Variants in SMG6 observed in about 807,000 individuals in gnomAD.
SMG6 encodes the protein telomerase-binding protein EST1A.
Under a neutral mutation model 142.2 loss-of-function variants are expected in SMG6, and 66 were observed. That is an observed-to-expected ratio of 0.46 (90% CI 0.38 to 0.57). SMG6 has a LOEUF of 0.57. Ranked by LOEUF, SMG6 falls within the 20% of genes least tolerant of loss-of-function variation. The pLI is 0.00. For missense variants in SMG6, 1,793 were observed against 1,832.0 expected (o/e 0.98, Z 0.39); for synonymous variants, 779 against 702.4 (o/e 1.11, Z -1.72).
chr17:2,223,636 T>C (rs934646903), intron 10 of SMG6, among the ~76,000 whole-genome samples: 1 of 152,180 alleles, frequency 6.6e-6, no homozygotes, highest in Admixed American at 6.5e-5. Flanking sequence ...CTAACTCACA[T>C]CTTTTTGTCA....
At chr17:2,074,708 T>C (rs1555531003) in intron 15 of SMG6, among the ~76,000 whole-genome samples, 7 of 152,224 alleles carry the variant, frequency 4.6e-5, no homozygotes, top group Non-Finnish European at 1.5e-5. Context: ...ATACCGCCTG[T>C]TGTATCATAG....
At chr17:2,086,024 G>T in intron 13 of SMG6, 123 bp from the exon 14 acceptor site, 1 of 998,384 alleles carries the variant, frequency 1.0e-6, no homozygotes, top group Non-Finnish European at 1.6e-6. Context: ...AAGGGGGTCA[G>T]AATGAATGAC....
chr17:2,221,253 G>A (rs1291392258), intron 10 of SMG6, among the ~76,000 whole-genome samples: 1 of 152,162 alleles, frequency 6.6e-6, no homozygotes, highest in Non-Finnish European at 1.5e-5. Context: ...GCATCCTGGG[G>A]TGGTTTCTGA....
At chr17:2,120,854 G>T (rs750071555) in intron 13 of SMG6, among the ~76,000 whole-genome samples, 3 of 152,158 alleles carry the variant, frequency 2.0e-5, no homozygotes, top group Non-Finnish European at 4.4e-5. Flanking sequence ...ATAATTGTTG[G>T]AGTCTAACAA....
At chr17:2,241,726 C>A (rs2073806294) in intron 9 of SMG6, among the ~76,000 whole-genome samples, 1 of 152,102 alleles carries the variant, frequency 6.6e-6, no homozygotes, top group South Asian at 2.1e-4. Flanking sequence ...GTGGTCCTTT[C>A]CCAAACTTAT....
At chr17:2,228,678 C>CAT (rs969976112) in intron 10 of SMG6, among the ~76,000 whole-genome samples, 23 of 152,296 alleles carry the variant, frequency 1.5e-4, no homozygotes, top group Middle Eastern at 3.4e-3. Flanking sequence ...TTATATTTTA[C>CAT]ATATATATAC....
At chr17:2,172,955 ATGT>A (rs1165939121) in intron 12 of SMG6, 96 bp from the exon 13 acceptor site, 11 of 1,198,892 alleles carry the variant, frequency 9.2e-6, no homozygotes, top group Non-Finnish European at 1.3e-5. Flanking sequence ...CTTGCAGCAA[ATGT>A]TGTCTAGGCT....
chr17:2,206,084 T>C (rs1417878088), intron 10 of SMG6, among the ~76,000 whole-genome samples: 3 of 152,050 alleles, frequency 2.0e-5, no homozygotes, highest in African/African-American at 4.8e-5. Context: ...GCTGGGATCA[T>C]AGGCGTGAGC....
At chr17:2,146,422 C>CTGT (rs1367475315) in intron 13 of SMG6, among the ~76,000 whole-genome samples, 1 of 152,192 alleles carries the variant, frequency 6.6e-6, no homozygotes, top group African/African-American at 2.4e-5. Flanking sequence ...CACCTGTGCT[C>CTGT]TGTTCCCCTT....
At chr17:2,111,612 C>T (rs777026058) in intron 13 of SMG6, among the ~76,000 whole-genome samples, 2 of 152,150 alleles carry the variant, frequency 1.3e-5, no homozygotes, top group Non-Finnish European at 2.9e-5. Context: ...CTATATTGCC[C>T]AGACTGGCCT....
At chr17:2,066,391 T>TGTGTGC (rs1428167045) in intron 16 of SMG6, among the ~76,000 whole-genome samples, 1 of 151,698 alleles carries the variant, frequency 6.6e-6, no homozygotes, top group Non-Finnish European at 1.5e-5. Context: ...TGTGTGTGTG[T>TGTGTGC]GCCTGTCTGC....
chr17:2,134,173 A>T (rs1371743628), intron 13 of SMG6, among the ~76,000 whole-genome samples: 1 of 152,082 alleles, frequency 6.6e-6, no homozygotes, highest in Non-Finnish European at 1.5e-5. Context: ...GATAATGCCC[A>T]CTTTGGGAGG....
intron 13 of SMG6, among the ~76,000 whole-genome samples, chr17:2,135,994 TTA>T (rs1240918089): frequency 1.1e-4 from 11 of 98,954 alleles, no homozygotes; most frequent in East Asian, 5.3e-4. Flanking sequence ...ATATATATAT[TTA>T]TGTGTGTGTG....
chr17:2,183,629 C>T (rs1429266161), intron 12 of SMG6, among the ~76,000 whole-genome samples: 1 of 152,162 alleles, frequency 6.6e-6, no homozygotes, highest in Non-Finnish European at 1.5e-5. Context: ...GACTTTTATA[C>T]AATTTTCATG....
intron 13 of SMG6, among the ~76,000 whole-genome samples, chr17:2,156,393 CAAAAAAAAAAAAAAAAA>C (rs34203812): frequency 0.062 from 3,462 of 55,788 alleles, 156 homozygotes; most frequent in South Asian, 0.24. Context: ...CACTCCTTCT[CAAAAAAAAAAAAAAAAA>C]AAAAAAAAAA....
At chr17:2,148,144 G>A (rs1026949866) in intron 13 of SMG6, among the ~76,000 whole-genome samples, 2 of 151,858 alleles carry the variant, frequency 1.3e-5, no homozygotes, top group Non-Finnish European at 1.5e-5. Context: ...TGAGCTGAGA[G>A]TGTGCCACTG....
At chr17:2,226,050 C>G (rs551533951) in intron 10 of SMG6, among the ~76,000 whole-genome samples, 1 of 151,914 alleles carries the variant, frequency 6.6e-6, no homozygotes, top group Non-Finnish European at 1.5e-5. Context: ...CTGAGGCAGG[C>G]GGATCGCCTG....
intron 13 of SMG6, chr17:2,089,567 TC>T (rs2068656884): frequency 6.6e-6 from 1 of 152,582 alleles, no homozygotes; most frequent in Admixed American, 6.5e-5. Context: ...CCCTTTCCCT[TC>T]CCCTGAAGAT....
At chr17:2,252,705 C>T (rs1025848222) in intron 8 of SMG6, among the ~76,000 whole-genome samples, 1 of 152,066 alleles carries the variant, frequency 6.6e-6, no homozygotes, top group African/African-American at 2.4e-5. Flanking sequence ...ATACAGATTC[C>T]TCACTCCTAC....
Sources: gnomAD v4.1 joint callset for allele counts (sites outside exome capture counted in the v4.1 genomes callset) on GRCh38, gnomAD v4.1.1 for gene constraint, MANE v1.5 for transcripts, NCBI Gene and HGNC (gene_info 2026-07-23, HGNC 2026-07-21) for gene names.